Variants in CNTRL observed in about 807,000 individuals in gnomAD.
CNTRL encodes the protein 110 kDa centrosomal protein.
In CNTRL, 233 loss-of-function variants were observed where a neutral mutation model predicts 303.7. The observed-to-expected ratio is 0.77, with a 90% CI of 0.69 to 0.86. The LOEUF is 0.86. CNTRL is among the 40% of genes least tolerant of loss of function. CNTRL has a pLI of 0.00. For missense variants in CNTRL, 2,524 were observed against 2,650.6 expected (o/e 0.95, Z 1.05); for synonymous variants, 900 against 922.2 (o/e 0.98, Z 0.44).
chr9:121,175,375 T>A, intron 43 of CNTRL, 151 bp downstream of exon 43: 1 of 701,948 alleles, frequency 1.4e-6, no homozygotes, highest in Non-Finnish European at 2.5e-6. Flanking sequence ...CAAGTGATCC[T>A]CCCACCTCAG....
intron 27 of CNTRL, among the ~76,000 whole-genome samples, chr9:121,156,126 T>C (rs1436673171): frequency 6.6e-6 from 1 of 151,826 alleles, no homozygotes; most frequent in African/African-American, 2.4e-5. Context: ...TATAATAAGA[T>C]ATTTTGATAA....
In CNTRL at chr9:121,167,650, C is replaced by G; in HGVS notation, c.5817C>G (p.Asn1939Lys). The stretch of plus-strand genomic sequence containing the variant: ...TGCTTCAGAATGAGATTGAAGAAAA[C>G]AAGCTCAAACTAGTCCAACAAGAAA... The part of the protein sequence containing the change: ...LQVLQNEIEE[N>K]KLKLVQQEMM... The change falls in exon 37 of 44, where the codon AAC (asparagine) becomes AAG (lysine). Residue 1939 changes from asparagine (N) to lysine (K), a missense_variant. By Grantham distance (94) the Asn-to-Lys change is moderately conservative (BLOSUM62 0). Transcript: ENST00000373855. The G allele has an allele frequency of 6.2e-7, 1 of 1,614,066 alleles. No homozygotes were observed. The highest frequency in any genetic ancestry group is 8.5e-7 in the Non-Finnish European group (1 of 1,179,976).
intron 15 of CNTRL, among the ~76,000 whole-genome samples, chr9:121,137,196 G>C (rs1415065713): frequency 6.6e-6 from 1 of 152,128 alleles, no homozygotes; most frequent in East Asian, 1.9e-4. Context: ...AGCCAGATGA[G>C]CTGCATCTTC....
chr9:121,122,677 C>A (rs1474794460), intron 12 of CNTRL, among the ~76,000 whole-genome samples: 2 of 152,140 alleles, frequency 1.3e-5, no homozygotes, highest in Admixed American at 1.3e-4. Flanking sequence ...ACATGCAAGT[C>A]ATTTGATGGA....
At position 121,152,526 on chromosome 9, in the gene CNTRL, A is replaced by T. The variant is rs759028332; in HGVS notation, c.4005A>T (p.Leu1335Phe). 3.9e-5 allele frequency: 63 copies of T among 1,613,970 alleles called. No individual in the cohort carries two copies. The highest frequency in any genetic ancestry group is 5.3e-5 in the Non-Finnish European group (63 of 1,179,976). Reference protein sequence around the residue: ...VSRLEDIMQHLKSKKREERWM... With the variant: ...VSRLEDIMQHFKSKKREERWM... ...GATTAGAAGACATAATGCAGCATTT[A>T]AAATCAAAGAAGCGGGAAGAAAGGT... The change falls in exon 26 of 44, where the codon TTA (leucine) becomes TTT (phenylalanine). Residue 1335 changes from leucine (L) to phenylalanine (F), a missense_variant. Leu to Phe is a conservative substitution (Grantham distance 22). Coordinates refer to ENST00000373855, the MANE Select transcript of CNTRL (RefSeq NM_007018.6).
chr9:121,164,860 T>C, intron 34 of CNTRL, 83 bp from the exon 35 acceptor site: 3 of 1,015,634 alleles, frequency 3.0e-6, no homozygotes, highest in Non-Finnish European at 2.8e-6. Context: ...CATAACTGTA[T>C]GTTGTGAAAG....
intron 5 of CNTRL, among the ~76,000 whole-genome samples, chr9:121,095,599 A>G (rs953760995): frequency 6.6e-6 from 1 of 152,202 alleles, no homozygotes; most frequent in Admixed American, 6.5e-5. Context: ...TTTTCCCCCA[A>G]GTTAGACTTG....
intron 39 of CNTRL, among the ~76,000 whole-genome samples, chr9:121,170,385 C>G (rs1408273346): frequency 6.6e-6 from 1 of 152,144 alleles, no homozygotes. Context: ...CTCAGGTGAT[C>G]CACCTGCCTC....
At position 121,171,594 on chromosome 9, in the gene CNTRL, T is replaced by G. The variant is rs370521522; in HGVS notation, c.6417+46T>G. On this transcript the variant is annotated intron_variant, in intron 40 of 43. Transcript: ENST00000373855. ...GCTGGCCAGCCTGGGGAGAGAGGAC[T>G]CACTGGGCTCAGGCAGATTGTATTG... 1.1e-5 allele frequency: 18 copies of G among 1,589,352 alleles called. No homozygotes were observed. In the African/African-American group the frequency reaches 2.2e-4, roughly 19 times the overall value.
chr9:121,152,148 G>A, intron 25 of CNTRL: 1 of 226,362 alleles, frequency 4.4e-6, no homozygotes, highest in Non-Finnish European at 8.8e-6. Context: ...CCTCTGAGCA[G>A]CCTTCTCAGA....
In CNTRL at chr9:121,124,091, C is replaced by G; in HGVS notation, c.1804+7C>G. 1 of 1,597,044 alleles carries G rather than the reference C, an allele frequency of 6.3e-7. No individual in the cohort carries two copies. On this transcript the variant is annotated splice_region_variant and intron_variant, in intron 13 of 43. Coordinates refer to ENST00000373855, the MANE Select transcript of CNTRL (RefSeq NM_007018.6). ...GAAGAACAGCTTACTGAAGGTAAGA[C>G]TTTCAGTATGATTTAAGGTAAATCA...
rs559706427 is a variant in CNTRL, at chr9:121,090,410, G to A, written c.348+5G>A. 7.4e-5 allele frequency: 119 copies of A among 1,606,880 alleles called. No individual in the cohort carries two copies. In the South Asian group the frequency reaches 1.2e-3, roughly 17 times the overall value. ...GACGGTGGCAAGAAATTTAAGGTAG[G>A]TTACCAACAATTTCTGAGCATAGAT... is the stretch of plus-strand genomic sequence containing the variant. On this transcript the variant is annotated splice_donor_5th_base_variant and intron_variant, in intron 4 of 43. Transcript: ENST00000373855.
At chr9:121,119,073 TAA>T (rs2050106683) in intron 12 of CNTRL, among the ~76,000 whole-genome samples, 1 of 116,848 alleles carries the variant, frequency 8.6e-6, no homozygotes, top group South Asian at 4.3e-4. Flanking sequence ...GTATTATACA[TAA>T]ATATATGTGT....
rs2051791763 is a variant in CNTRL at position 121,145,443 on chromosome 9, C to G, written c.3310+58C>G. ...TTTTGTAGTCATAAAATTAAATCAT[C>G]TCATTTGTTTTTTACCTTTAACTGT... On this transcript the variant is annotated intron_variant, in intron 22 of 43. Coordinates refer to ENST00000373855, the MANE Select transcript of CNTRL (RefSeq NM_007018.6). The G allele has an allele frequency of 7.9e-6, 12 of 1,511,886 alleles. 1 individual carries two copies. Among genetic ancestry groups the G allele is most frequent in the Non-Finnish European group, 1.1e-5 (12 of 1,127,948 alleles). 93.7% of individuals were successfully genotyped at this position (1,511,886 alleles called of 1,614,324 possible).
intron 25 of CNTRL, among the ~76,000 whole-genome samples, chr9:121,151,780 C>G (rs989307174): frequency 3.9e-5 from 6 of 152,100 alleles, no homozygotes; most frequent in Non-Finnish European, 8.8e-5. Context: ...GGAGTTTTTT[C>G]CTTCCTGTCT....
At chr9:121,112,613 A>T in intron 9 of CNTRL, 35 bp downstream of exon 9, 3 of 1,605,104 alleles carry the variant, frequency 1.9e-6, no homozygotes, top group Non-Finnish European at 2.6e-6. Context: ...ATCCAAAGTT[A>T]AAGCCCACAT....
Position 121,154,890 on chromosome 9 carries a change from G to T in CNTRL, c.4342G>T (p.Glu1448Ter). 2 of 1,614,122 alleles carry T rather than the reference G, an allele frequency of 1.2e-6. No individual in the cohort carries two copies. Among genetic ancestry groups the T allele is most frequent in the East Asian group, 2.2e-5 (1 of 44,880 alleles). ...CCGACTCCTGGCAGAGGCTGAGAGT[G>T]AACTTTCATGCACTAAAGAAAAGGT... ...ADRLLAEAES[E>*]LSCTKEKTKN... The change falls in exon 27 of 44, where the codon GAA becomes TAA. Residue 1448 changes from glutamate to a stop codon, truncating the protein, a stop_gained. Coordinates refer to ENST00000373855, the MANE Select transcript of CNTRL (RefSeq NM_007018.6). LOFTEE classifies it high-confidence loss of function.
chr9:121,123,166 A>AT (rs2050326114), intron 12 of CNTRL, among the ~76,000 whole-genome samples: 1 of 152,078 alleles, frequency 6.6e-6, no homozygotes, highest in South Asian at 2.1e-4. Context: ...CAAAAGGAAA[A>AT]AATCCCCATG....
Position 121,146,127 on chromosome 9 carries a change from A to G in CNTRL, c.3330A>G (p.Glu1110=). Residue 1110 remains glutamate (E), a synonymous_variant, in exon 23 of 44, where the codon GAA becomes GAG. Coordinates refer to ENST00000373855, the MANE Select transcript of CNTRL (RefSeq NM_007018.6). ...TTACAGACAACAAAGGAGGCTTTGA[A>G]AATGTTTTAGAAGAAATTGCTGAAC... ...LTGSDNKGGF[E]NVLEEIAELR... 6.2e-7 allele frequency: 1 copy of G among 1,609,822 alleles called. No individual in the cohort carries two copies. Among genetic ancestry groups the G allele is most frequent in the Non-Finnish European group, 8.5e-7 (1 of 1,178,988 alleles).
Sources: allele counts gnomAD v4.1 joint callset (sites outside exome capture counted in the v4.1 genomes callset), GRCh38; gene constraint gnomAD v4.1.1; transcripts MANE v1.5; gene names NCBI Gene and HGNC (gene_info 2026-07-23, HGNC 2026-07-21).